The following AKAP19 variants were observed in gnomAD, a reference collection of about 807,000 sequenced individuals.
The protein encoded by AKAP19 is A-kinase anchoring protein 19, also known as small A-kinase anchoring protein.
chr2:190,157,077 G>A, the AKAP19 span, among the ~76,000 whole-genome samples: 36 of 151,998 alleles, frequency 2.4e-4, no homozygotes, highest in East Asian at 2.9e-3. Context: ...AAATCAATTC[G>A]GTTCTTATTA....
the AKAP19 span, among the ~76,000 whole-genome samples, chr2:190,187,559 T>C: frequency 2.6e-5 from 4 of 151,978 alleles, no homozygotes; most frequent in Non-Finnish European, 4.4e-5. Context: ...AGCTACAAAA[T>C]GAACTATAAA....
chr2:190,119,824 G>C, the AKAP19 span, among the ~76,000 whole-genome samples: 2 of 151,532 alleles, frequency 1.3e-5, no homozygotes, highest in Admixed American at 6.6e-5. Context: ...AAAAGATGAA[G>C]TGCAGCAAAG....
chr2:190,105,752 T>G, the AKAP19 span, among the ~76,000 whole-genome samples: 4 of 152,228 alleles, frequency 2.6e-5, no homozygotes, highest in Admixed American at 2.6e-4. Flanking sequence ...AATGCTCCCA[T>G]GTGGTTCCTG....
chr2:189,889,796 G>A, the AKAP19 span, among the ~76,000 whole-genome samples: 2 of 151,994 alleles, frequency 1.3e-5, no homozygotes, highest in African/African-American at 4.8e-5. Flanking sequence ...ATTTTGTATT[G>A]TGTCTATTTG....
chr2:190,027,169 A>G, the AKAP19 span, among the ~76,000 whole-genome samples: 21 of 152,300 alleles, frequency 1.4e-4, no homozygotes, highest in Middle Eastern at 3.4e-3. Context: ...TTGTTAAAAG[A>G]GTAATATTTC....
At chr2:189,976,581 T>A in the AKAP19 span, among the ~76,000 whole-genome samples, 5 of 152,226 alleles carry the variant, frequency 3.3e-5, no homozygotes, top group African/African-American at 4.8e-5. Context: ...TGAGGTGGAG[T>A]CTACAGAGGC....
chr2:190,104,623 C>T, the AKAP19 span, among the ~76,000 whole-genome samples: 3 of 152,132 alleles, frequency 2.0e-5, no homozygotes, highest in South Asian at 4.2e-4. Flanking sequence ...GACCCCTTCT[C>T]AACAAAAAAT....
chr2:189,906,492 C>A, the AKAP19 span, among the ~76,000 whole-genome samples: 1 of 151,936 alleles, frequency 6.6e-6, no homozygotes, highest in African/African-American at 2.4e-5. Flanking sequence ...CCTGTTAGGA[C>A]AAAAGAAAGC....
the AKAP19 span, among the ~76,000 whole-genome samples, chr2:190,084,500 C>A: frequency 2.0e-5 from 3 of 152,072 alleles, no homozygotes; most frequent in African/African-American, 4.8e-5. Flanking sequence ...GTGGAAAATG[C>A]CCCTTATTGA....
the AKAP19 span, among the ~76,000 whole-genome samples, chr2:190,125,668 A>G: frequency 6.6e-6 from 1 of 152,282 alleles, no homozygotes; most frequent in Non-Finnish European, 1.5e-5. Flanking sequence ...TCACATAAAG[A>G]TCATGATGGA....
the AKAP19 span, among the ~76,000 whole-genome samples, chr2:189,902,216 C>G: frequency 7.2e-5 from 11 of 152,066 alleles, no homozygotes; most frequent in South Asian, 2.1e-3. Flanking sequence ...GTATTCTCCA[C>G]AAGGTATGTA....
At chr2:190,180,885 C>G in the AKAP19 span, 1 of 985,218 alleles carries the variant, frequency 1.0e-6, no homozygotes, top group Non-Finnish European at 1.2e-6. The surrounding 1 kb of genome is among the most constrained non-coding windows in gnomAD (Gnocchi z 6.8). Flanking sequence ...TTGGCTGAGC[C>G]GGGCGCCGGC....
chr2:190,155,251 T>A, the AKAP19 span, among the ~76,000 whole-genome samples: 3 of 152,190 alleles, frequency 2.0e-5, no homozygotes, highest in Non-Finnish European at 4.4e-5. Context: ...GAACCACAGC[T>A]TTTGCCTAAG....
chr2:190,048,951 T>C, the AKAP19 span, among the ~76,000 whole-genome samples: 5 of 152,262 alleles, frequency 3.3e-5, no homozygotes, highest in East Asian at 9.6e-4. Context: ...CATAAAAGTA[T>C]TAAAATAAAA....
the AKAP19 span, among the ~76,000 whole-genome samples, chr2:189,950,247 C>T: frequency 2.7e-5 from 4 of 150,842 alleles, no homozygotes; most frequent in East Asian, 2.0e-4. Flanking sequence ...AGGCTGGTCT[C>T]GAACTCCTAA....
chr2:189,990,314 C>A, the AKAP19 span, among the ~76,000 whole-genome samples: 1,538 of 152,208 alleles, frequency 0.01, 20 homozygotes, highest in African/African-American at 0.035. Flanking sequence ...TCTGATCAAT[C>A]CTTTGCTCCT....
the AKAP19 span, among the ~76,000 whole-genome samples, chr2:189,958,688 G>GA: frequency 1.3e-4 from 19 of 146,304 alleles, no homozygotes; most frequent in South Asian, 6.5e-4. Context: ...ATAAAGAACC[G>GA]AAAAAAAAAC....
chr2:190,060,236 A>G, the AKAP19 span: 2 of 1,613,046 alleles, frequency 1.2e-6, no homozygotes, highest in Non-Finnish European at 1.7e-6. Context: ...CAAGTTTCAG[A>G]GATCGGATTC....
chr2:189,955,042 C>A, the AKAP19 span, among the ~76,000 whole-genome samples: 8 of 152,128 alleles, frequency 5.3e-5, no homozygotes, highest in African/African-American at 1.9e-4. Context: ...GTGTACTCAT[C>A]ACCCAAATAG....
Sources: gnomAD v4.1 joint callset for allele counts (sites outside exome capture counted in the v4.1 genomes callset) on GRCh38, gnomAD v4.1.1 for gene constraint, Gnocchi (gnomAD v3.1) non-coding constraint, MANE v1.5 for transcripts, NCBI Gene and HGNC (gene_info 2026-07-23, HGNC 2026-07-21) for gene names.